LRRC9: variants seen among roughly 807,000 people sequenced by gnomAD.
LRRC9 encodes leucine rich repeat containing 9, also known as leucine-rich repeat-containing protein 9.
LRRC9 carries 122 observed loss-of-function variants against 63.2 expected under a neutral mutation model. That is an observed-to-expected ratio of 1.93 (90% CI 1.67 to 2.24). The LOEUF is 2.24. Among genes scored for constraint, LRRC9 ranks in the 30% most tolerant of loss-of-function variants. The probability of loss-of-function intolerance (pLI) is 0.00; values close to 1 mark genes in which losing one functional copy is unlikely to be tolerated. For synonymous variants in LRRC9, 366 were observed against 213.1 expected, an observed-to-expected ratio of 1.72 and a Z score of -6.25; for missense variants, 1,071 against 627.7, an observed-to-expected ratio of 1.71 and a Z score of -7.55.
intron 30 of LRRC9, among the ~76,000 whole-genome samples, chr14:60,056,485 T>C (rs1307418348): frequency 2.0e-5 from 3 of 152,162 alleles, no homozygotes; most frequent in Non-Finnish European, 4.4e-5. Context: ...TGTTGGCTAT[T>C]CTTTTCTATT....
At chr14:59,937,195 TAAAAAAAAAA>T in intron 6 of LRRC9, among the ~76,000 whole-genome samples, 1 of 89,480 alleles carries the variant, frequency 1.1e-5, no homozygotes, top group African/African-American at 4.0e-5. Flanking sequence ...ATGTTTTCTG[TAAAAAAAAAA>T]AAAAAAAAAA....
chr14:59,940,260 T>C (rs1438689334), intron 7 of LRRC9, among the ~76,000 whole-genome samples: 2 of 152,150 alleles, frequency 1.3e-5, no homozygotes, highest in African/African-American at 4.8e-5. Context: ...ATAGGATATA[T>C]ACTATAGTCC....
At chr14:59,948,314 G>C (rs1315954390) in intron 8 of LRRC9, among the ~76,000 whole-genome samples, 1 of 141,904 alleles carries the variant, frequency 7.0e-6, no homozygotes. Flanking sequence ...CTGTTTGTCT[G>C]TTGTTGGTGT....
chr14:60,018,274 T>G, intron 24 of LRRC9, 97 bp from the exon 25 acceptor site: 1 of 665,396 alleles, frequency 1.5e-6, no homozygotes. Flanking sequence ...TGAGACTTTT[T>G]AAATGTCTTT....
Position 59,922,859 on chromosome 14 carries a change from G to A in LRRC9, c.-34+2976G>A, listed in dbSNP as rs1888900622. Among the ~76,000 whole-genome samples the A allele has an allele frequency of 1.3e-5, 2 of 152,220 alleles. No homozygotes were observed. The highest frequency in any genetic ancestry group is 1.5e-5 in the Non-Finnish European group (1 of 68,044). ...AAAATATAAAACATTTGTTGCTGAA[G>A]ATCTAACTGAAGTTAGAGGCAATGC... is the stretch of plus-strand genomic sequence containing the variant. On this transcript the variant is annotated intron_variant, in intron 1 of 31. Transcript: ENST00000445360. The surrounding 1 kb of genome is among the most constrained non-coding windows in gnomAD (Gnocchi z 5.3).
intron 6 of LRRC9, among the ~76,000 whole-genome samples, chr14:59,935,963 A>G (rs536132787): frequency 1.3e-5 from 2 of 152,350 alleles, no homozygotes; most frequent in South Asian, 4.1e-4. Context: ...CTGGCTAGCC[A>G]TGGCACCCTT....
In LRRC9 at chr14:59,936,389, C is replaced by T. The variant is rs188174845; in HGVS notation, c.544-2001C>T. On this transcript the variant is annotated intron_variant, in intron 6 of 31. Transcript: ENST00000445360. The surrounding 1 kb of genome is among the most constrained non-coding windows in gnomAD (Gnocchi z 4.2). Reference sequence around the variant, plus strand: ...AGATTTTTATCTCTAACCTTTCCTCCTACCCTAAGAAGATAACTATCTTAT... The same window carrying T: ...AGATTTTTATCTCTAACCTTTCCTCTTACCCTAAGAAGATAACTATCTTAT... 5.7e-3 allele frequency among the ~76,000 whole-genome samples: 863 copies of T among 152,222 alleles called. 11 individuals carry two copies. The highest frequency in any genetic ancestry group is 0.02 in the African/African-American group (843 of 41,552).
chr14:59,932,571 T>C lies in LRRC9; in HGVS notation c.543+532T>C, dbSNP rs1193434956. ...TCACCTCTCTAAATGGAGTCTCCAT[T>C]CTTGCAGTAACTTAAGCCAAAATCC... On this transcript the variant is annotated intron_variant, in intron 6 of 31. Transcript: ENST00000445360. The surrounding 1 kb of genome is among the most constrained non-coding windows in gnomAD (Gnocchi z 4.7). Among the ~76,000 whole-genome samples the C allele has an allele frequency of 6.6e-6, 1 of 152,082 alleles. No homozygotes were observed. Among genetic ancestry groups the C allele is most frequent in the African/African-American group, 2.4e-5 (1 of 41,442 alleles).
chr14:60,050,192 C>T lies in LRRC9; in HGVS notation c.3991-2873C>T, dbSNP rs149332510. ...TTGTATTTTTAGTAGAGACAGGTTT[C>T]ACCATGTTGGCCAGGCTGGTCTCAA... On this transcript the variant is annotated intron_variant, in intron 29 of 31. Transcript: ENST00000445360. Among the ~76,000 whole-genome samples the T allele has an allele frequency of 3.4e-3, 511 of 152,178 alleles. 17 individuals carry two copies. In the East Asian group the frequency reaches 0.057, roughly 17 times the overall value.
rs922672078 is a variant in LRRC9 at position 60,051,296 on chromosome 14, C to A, written c.3991-1769C>A. On this transcript the variant is annotated intron_variant, in intron 29 of 31. Transcript: ENST00000445360. This position sits in a 1 kb window ranked among gnomAD's most constrained non-coding sequence, Gnocchi z 4.7. The stretch of plus-strand genomic sequence containing the variant: ...GGCTGGAGTGACTCCAGGCCCCCCA[C>A]AAGGGGGCCCCGCCCAGTGAGGAAG... 2.6e-5 allele frequency among the ~76,000 whole-genome samples: 4 copies of A among 152,214 alleles called. No homozygotes were observed. Among genetic ancestry groups the A allele is most frequent in the Admixed American group, 6.5e-5 (1 of 15,288 alleles).
intron 15 of LRRC9, among the ~76,000 whole-genome samples, chr14:59,979,147 C>G (rs967516597): frequency 3.3e-5 from 5 of 152,126 alleles, no homozygotes; most frequent in Admixed American, 1.3e-4. Flanking sequence ...TGGCTCATGC[C>G]TGCAATCCCA....
At chr14:60,008,118 C>T in exon 23 of LRRC9, 1 of 699,970 alleles carries the variant, frequency 1.4e-6, no homozygotes, top group East Asian at 2.7e-5. Flanking sequence ...TCATTCTAGA[C>T]ATGTGTGGGA....
chr14:59,956,127 G>A (rs558733382), intron 8 of LRRC9, among the ~76,000 whole-genome samples: 1 of 152,168 alleles, frequency 6.6e-6, no homozygotes, highest in South Asian at 2.1e-4. Flanking sequence ...ATTTGGGGTG[G>A]AGAGTTCTGT....
intron 24 of LRRC9, 23 bp downstream of exon 24, chr14:60,016,813 C>T (rs779189492): frequency 3.1e-6 from 2 of 639,306 alleles, no homozygotes; most frequent in South Asian, 3.5e-5. Context: ...TATTATATGC[C>T]TTTTTACATT....
rs1284073925 is a variant in LRRC9 at position 59,922,871 on chromosome 14, G to A, written c.-34+2988G>A. 6.6e-6 allele frequency among the ~76,000 whole-genome samples: 1 copy of A among 152,252 alleles called. No individual in the cohort carries two copies. The highest frequency in any genetic ancestry group is 1.9e-4 in the East Asian group (1 of 5,204). Reference sequence around the variant, plus strand: ...ATTTGTTGCTGAAGATCTAACTGAAGTTAGAGGCAATGCATTTGTAGTGAC... The same window carrying A: ...ATTTGTTGCTGAAGATCTAACTGAAATTAGAGGCAATGCATTTGTAGTGAC... On this transcript the variant is annotated intron_variant, in intron 1 of 31. Coordinates refer to ENST00000445360, the Ensembl canonical transcript of LRRC9. This position sits in a 1 kb window ranked among gnomAD's most constrained non-coding sequence, Gnocchi z 5.3.
chr14:59,928,762 A>G (rs1889426590), intron 3 of LRRC9, among the ~76,000 whole-genome samples: 1 of 152,154 alleles, frequency 6.6e-6, no homozygotes, highest in Non-Finnish European at 1.5e-5. Context: ...GAACCCAGAA[A>G]TAAGGCCACA....
In LRRC9 at chr14:59,962,190, A is replaced by AT. The variant is rs2139977356; in HGVS notation, c.1211+1145_1211+1146insT. 6.6e-6 allele frequency among the ~76,000 whole-genome samples: 1 copy of AT among 152,312 alleles called. No homozygotes were observed. The highest frequency in any genetic ancestry group is 6.5e-5 in the Admixed American group (1 of 15,304). Reference sequence around the variant, plus strand: ...GTAAGAAGCTCTTCGCAAGGGAAAAAGAGGCCTTTGAAAATACTTTCCTTT... The same window carrying AT: ...GTAAGAAGCTCTTCGCAAGGGAAAAATGAGGCCTTTGAAAATACTTTCCTTT... On this transcript the variant is annotated intron_variant, in intron 10 of 31. Transcript: ENST00000445360. The surrounding 1 kb of genome is among the most constrained non-coding windows in gnomAD (Gnocchi z 5.1).
chr14:60,057,924 A>G, exon 31 of LRRC9: 1 of 691,294 alleles, frequency 1.4e-6, no homozygotes, highest in Non-Finnish European at 2.7e-6. Context: ...TCATTTGGCC[A>G]AGTGAAAACT....
Position 60,042,679 on chromosome 14 carries a change from C to T in LRRC9, c.3991-10386C>T, listed in dbSNP as rs1430832251. Reference sequence around the variant, plus strand: ...TTCCCTTGGCTAGGAAAGGGAATTTCCCCACCCTTTGCACTTCCCGGGTGA... The same window carrying T: ...TTCCCTTGGCTAGGAAAGGGAATTTTCCCACCCTTTGCACTTCCCGGGTGA... On this transcript the variant is annotated intron_variant, in intron 29 of 31. Coordinates refer to ENST00000445360, the Ensembl canonical transcript of LRRC9. The surrounding 1 kb of genome is among the most constrained non-coding windows in gnomAD (Gnocchi z 4.2). Among the ~76,000 whole-genome samples, 1 of 152,194 alleles carries T rather than the reference C, an allele frequency of 6.6e-6. No homozygotes were observed. The highest frequency in any genetic ancestry group is 1.5e-5 in the Non-Finnish European group (1 of 68,028).
Sources: allele counts gnomAD v4.1 joint callset (sites outside exome capture counted in the v4.1 genomes callset), GRCh38; gene constraint gnomAD v4.1.1; non-coding constraint Gnocchi (gnomAD v3.1); transcripts MANE v1.5; gene names NCBI Gene and HGNC (gene_info 2026-07-23, HGNC 2026-07-21).